PDE11A: variants seen among roughly 807,000 people sequenced by gnomAD.
The protein encoded by PDE11A is phosphodiesterase 11A.
In PDE11A, 100 loss-of-function variants were observed where a neutral mutation model predicts 100.5. That is an observed-to-expected ratio of 1.00 (90% CI 0.85 to 1.18). The LOEUF is 1.18. PDE11A is among the 50% of genes most tolerant of loss of function. PDE11A has a pLI of 0.00. For missense variants in PDE11A, 1,141 were observed against 1,152.6 expected (o/e 0.99, Z 0.15); for synonymous variants, 381 against 420.8 (o/e 0.91, Z 1.16).
intron 19 of PDE11A, among the ~76,000 whole-genome samples, chr2:177,631,719 G>A (rs2079952772): frequency 6.7e-6 from 1 of 149,534 alleles, no homozygotes; most frequent in Admixed American, 6.7e-5. Context: ...CAGAATCAAT[G>A]AGAATGTATG....
rs775792942 is a variant in PDE11A at position 178,072,469 on chromosome 2, C to A, written c.-32G>T. ...AGACAGCTTTCCTTGCCTGTTTACA[C>A]GTGAACCAAATGTTTTCCTGCCCCG... On this transcript the variant is annotated 5_prime_UTR_variant, in exon 1 of 20. Transcript: ENST00000286063. 25 of 1,612,060 alleles carry A rather than the reference C, an allele frequency of 1.6e-5. No homozygotes were observed. Among genetic ancestry groups the A allele is most frequent in the Admixed American group, 1.3e-4 (8 of 59,998 alleles).
intron 2 of PDE11A, among the ~76,000 whole-genome samples, chr2:177,996,127 A>G (rs1574330749): frequency 6.6e-6 from 1 of 151,954 alleles, no homozygotes; most frequent in African/African-American, 2.4e-5. Context: ...CTTGGGAGGC[A>G]GAGGCAGGAG....
At chr2:178,064,327 T>C (rs2087015005) in intron 1 of PDE11A, among the ~76,000 whole-genome samples, 1 of 152,226 alleles carries the variant, frequency 6.6e-6, no homozygotes. Context: ...ACCTCTTCGC[T>C]GTAGGTGTGT....
At chr2:178,018,971 T>C (rs1189146875) in intron 1 of PDE11A, among the ~76,000 whole-genome samples, 3 of 152,242 alleles carry the variant, frequency 2.0e-5, no homozygotes, top group Non-Finnish European at 2.9e-5. Flanking sequence ...CTAAACATTA[T>C]ATATGAGCTT....
At chr2:177,704,631 A>G (rs1391632199) in intron 13 of PDE11A, among the ~76,000 whole-genome samples, 2 of 152,202 alleles carry the variant, frequency 1.3e-5, no homozygotes, top group Admixed American at 6.5e-5. Context: ...AAAGTATTCT[A>G]CAGAATACTA....
At chr2:177,994,139 C>A (rs1051333592) in intron 2 of PDE11A, among the ~76,000 whole-genome samples, 1 of 151,960 alleles carries the variant, frequency 6.6e-6, no homozygotes, top group Non-Finnish European at 1.5e-5. Flanking sequence ...CTATGTTGGG[C>A]GGGCTGGTCT....
Position 177,649,461 on chromosome 2 carries a change from C to T in PDE11A, c.2646+14405G>A, listed in dbSNP as rs1016923845. Among the ~76,000 whole-genome samples, 3 of 151,980 alleles carry T rather than the reference C, an allele frequency of 2.0e-5. No individual in the cohort carries two copies. The South Asian group carries it at 6.2e-4, about 32-fold the overall frequency. On this transcript the variant is annotated intron_variant, in intron 19 of 19. Coordinates refer to ENST00000286063, the MANE Select transcript of PDE11A (RefSeq NM_016953.4). ...ATCAAAAAGAATGAGACATCTTCTG[C>T]ATGGAGACTGAAAAAGAATAATCTA...
intron 2 of PDE11A, among the ~76,000 whole-genome samples, chr2:177,990,533 T>A (rs1343948928): frequency 6.6e-6 from 1 of 151,082 alleles, no homozygotes; most frequent in Non-Finnish European, 1.5e-5. Flanking sequence ...AGGTCAGGAA[T>A]TCAAGACCAG....
intron 4 of PDE11A, among the ~76,000 whole-genome samples, chr2:177,895,288 C>G (rs1393165641): frequency 1.3e-5 from 2 of 152,118 alleles, no homozygotes; most frequent in Non-Finnish European, 1.5e-5. Flanking sequence ...TGCTGTGGCT[C>G]ACACCTGCAA....
intron 2 of PDE11A, among the ~76,000 whole-genome samples, chr2:177,961,260 G>GT (rs572341042): frequency 2.2e-4 from 33 of 146,874 alleles, no homozygotes; most frequent in Admixed American, 8.2e-4. Flanking sequence ...TGGCCTCCAG[G>GT]TTTTTTTTTT....
intron 2 of PDE11A, among the ~76,000 whole-genome samples, chr2:178,091,715 C>T (rs537893828): frequency 6.6e-6 from 1 of 152,264 alleles, no homozygotes; most frequent in South Asian, 2.1e-4. Context: ...CCACTGTTCC[C>T]TTCCACCCAG....
intron 18 of PDE11A, among the ~76,000 whole-genome samples, chr2:177,665,004 G>C (rs193187838): frequency 6.6e-6 from 1 of 152,186 alleles, no homozygotes; most frequent in Admixed American, 6.5e-5. Context: ...CCAAATCTGA[G>C]GAAAATATCT....
chr2:177,726,041 A>G (rs995733496), intron 12 of PDE11A, among the ~76,000 whole-genome samples: 1 of 152,158 alleles, frequency 6.6e-6, no homozygotes, highest in Non-Finnish European at 1.5e-5. Flanking sequence ...ACAAAACATT[A>G]TACCTTGTTT....
intron 10 of PDE11A, among the ~76,000 whole-genome samples, chr2:177,744,522 G>A (rs1475996009): frequency 6.6e-6 from 1 of 152,118 alleles, no homozygotes; most frequent in African/African-American, 2.4e-5. Flanking sequence ...GAGGTCAAGG[G>A]TCCAGTTCAC....
intron 19 of PDE11A, among the ~76,000 whole-genome samples, chr2:177,663,571 G>A (rs1481996312): frequency 1.3e-5 from 2 of 152,000 alleles, no homozygotes; most frequent in Non-Finnish European, 2.9e-5. Context: ...ATGTTCTATG[G>A]GACACAGTTT....
Position 177,666,178 on chromosome 2 carries a change from T to C in PDE11A, c.2563-2229A>G, listed in dbSNP as rs142746284. 2.7e-3 allele frequency among the ~76,000 whole-genome samples: 419 copies of C among 152,370 alleles called. 1 individual carries two copies. Among genetic ancestry groups the C allele is most frequent in the Middle Eastern group, 0.01 (3 of 294 alleles). ...TTCATATAAATGCAATCTTATGATA[T>C]GTGGTCTTTTGTGACTTGGCCTCTT... On this transcript the variant is annotated intron_variant, in intron 18 of 19. Transcript: ENST00000286063.
At chr2:178,009,996 G>A (rs1206131233) in intron 2 of PDE11A, among the ~76,000 whole-genome samples, 2 of 152,118 alleles carry the variant, frequency 1.3e-5, no homozygotes, top group Non-Finnish European at 2.9e-5. Flanking sequence ...ATAAAATTAC[G>A]AACAGGGTTC....
chr2:177,878,306 T>C (rs555852791), intron 4 of PDE11A, among the ~76,000 whole-genome samples: 1 of 152,336 alleles, frequency 6.6e-6, no homozygotes, highest in East Asian at 1.9e-4. Context: ...GCCACTTTCC[T>C]ACCAAGTGGT....
intron 2 of PDE11A, among the ~76,000 whole-genome samples, chr2:177,910,077 T>C (rs1052153343): frequency 2.6e-5 from 4 of 152,198 alleles, no homozygotes; most frequent in Admixed American, 6.5e-5. Flanking sequence ...AATGTATATA[T>C]TGGCCAAACA....
Sources: allele counts gnomAD v4.1 joint callset (sites outside exome capture counted in the v4.1 genomes callset), GRCh38; gene constraint gnomAD v4.1.1; transcripts MANE v1.5; gene names NCBI Gene and HGNC (gene_info 2026-07-23, HGNC 2026-07-21).